The following CTBP2 variants were observed in gnomAD, a reference collection of about 807,000 sequenced individuals.
CTBP2 encodes the protein C-terminal binding protein 2.
In CTBP2, 30 loss-of-function variants were observed where a neutral mutation model predicts 80.3. The observed-to-expected ratio is 0.37, with a 90% CI of 0.28 to 0.51. CTBP2 has a LOEUF of 0.51. Among genes scored for constraint, CTBP2 ranks in the 20% least tolerant of loss-of-function variants. CTBP2 has a pLI of 0.93. For missense variants in CTBP2, 1,212 were observed against 1,375.3 expected, an observed-to-expected ratio of 0.88 and a Z score of 1.88; for synonymous variants, 594 against 587.4, an observed-to-expected ratio of 1.01 and a Z score of -0.16.
chr10:125,036,666 GGGGTGTGTGTGTGTGTGTGTGTGT>G (rs1173805600), intron 3 of CTBP2, among the ~76,000 whole-genome samples: 3 of 100,266 alleles, frequency 3.0e-5, no homozygotes, highest in African/African-American at 1.4e-4. Flanking sequence ...AAAGCTAGAG[GGGGTGTGTGTGTGTGTGTGTGTGT>G]GTGTGTGTGT....
chr10:125,090,302 AG>A (rs1172472541), intron 2 of CTBP2, among the ~76,000 whole-genome samples: 2 of 149,790 alleles, frequency 1.3e-5, no homozygotes, highest in Non-Finnish European at 3.0e-5. Flanking sequence ...AAAAAAAAAA[AG>A]GTTGGGGGGA....
chr10:125,060,012 C>T (rs1964656282), intron 2 of CTBP2, among the ~76,000 whole-genome samples: 1 of 152,236 alleles, frequency 6.6e-6, no homozygotes. Flanking sequence ...CTGCCCATCC[C>T]TGGAGTCATC....
intron 2 of CTBP2, among the ~76,000 whole-genome samples, chr10:125,071,030 G>A (rs1845404606): frequency 6.6e-6 from 1 of 152,226 alleles, no homozygotes; most frequent in Non-Finnish European, 1.5e-5. Context: ...CCCCGTATGC[G>A]GTGATTGCTT....
chr10:125,096,376 A>G (rs1152679), intron 2 of CTBP2, among the ~76,000 whole-genome samples: 40,813 of 152,164 alleles, frequency 0.27, 7,585 homozygotes, highest in African/African-American at 0.52. Flanking sequence ...CAAAGATGCA[A>G]AATAACATAG....
At position 125,026,408 on chromosome 10, in the gene CTBP2, A is replaced by G; in HGVS notation, c.1352T>C (p.Leu451Pro). Residue 451 changes from leucine to proline, a missense_variant, in exon 1 of 9, where the codon CTG (leucine) becomes CCG (proline). Transcript: ENST00000309035. ...TGCCTGCAGGGGGTACGTGGGGCTCAGACGCGCTGTCAGGGCGCAAGGGGT... is the reference window on the plus strand; with the variant it reads ...TGCCTGCAGGGGGTACGTGGGGCTCGGACGCGCTGTCAGGGCGCAAGGGGT... 1 of 1,608,082 alleles carries G rather than the reference A, an allele frequency of 6.2e-7. No homozygotes were observed. Among genetic ancestry groups the G allele is most frequent in the African/African-American group, 1.3e-5 (1 of 74,858 alleles).
At chr10:125,030,987 A>AGCCACCACAGT (rs1032526093), upstream of CTBP2, among the ~76,000 whole-genome samples, 19 of 152,280 alleles carry the variant, frequency 1.2e-4, no homozygotes, top group African/African-American at 4.6e-4. Flanking sequence ...CCCAGGACGG[A>AGCCACCACAGT]GCCACCACAG....
intron 2 of CTBP2, among the ~76,000 whole-genome samples, chr10:125,085,639 A>G (rs1382818764): frequency 6.6e-6 from 1 of 152,246 alleles, no homozygotes; most frequent in African/African-American, 2.4e-5. Flanking sequence ...CAAAGCCTTC[A>G]GCAAATCACT....
chr10:125,048,575 G>A (rs533146746), intron 2 of CTBP2, among the ~76,000 whole-genome samples: 198 of 152,284 alleles, frequency 1.3e-3, no homozygotes, highest in African/African-American at 4.5e-3. Flanking sequence ...CTTTCACAGC[G>A]GAGTGACTGG....
intron 2 of CTBP2, among the ~76,000 whole-genome samples, chr10:125,041,863 A>C (rs1280428643): frequency 1.3e-5 from 2 of 151,324 alleles, no homozygotes; most frequent in Non-Finnish European, 2.9e-5. Context: ...GATAAGTAGA[A>C]TCTCAATCAT....
intron 2 of CTBP2, among the ~76,000 whole-genome samples, chr10:125,098,738 G>GAC (rs1850086861): frequency 2.8e-4 from 29 of 102,662 alleles, no homozygotes; most frequent in African/African-American, 1.0e-3. Flanking sequence ...GAGAGAGAGA[G>GAC]AGAGAGAGAG....
Position 124,989,285 on chromosome 10 carries a change from C to A in CTBP2, c.*233G>T. ...TGATGCACAGATGAAAAACTTAACA[C>A]ACAATAACAGAAGTTGGTCGTTAAT... On this transcript the variant is annotated 3_prime_UTR_variant, in exon 9 of 9. Transcript: ENST00000309035. The A allele has an allele frequency of 1.8e-6, 1 of 549,922 alleles. No homozygotes were observed. The allele number at this position is 549,922 out of a possible 1,614,324, so 34.1% of individuals were successfully genotyped here. A position where few individuals can be genotyped will look rare whatever the true frequency, so the allele number is the denominator to read the frequency against.
chr10:125,035,015 G>A (rs1958704007), intron 3 of CTBP2, among the ~76,000 whole-genome samples: 1 of 152,112 alleles, frequency 6.6e-6, no homozygotes, highest in African/African-American at 2.4e-5. Flanking sequence ...TTTCTTGGGG[G>A]TACATCCCAC....
At position 125,027,598 on chromosome 10, in the gene CTBP2, G is replaced by C. The variant is rs750514703; in HGVS notation, c.162C>G (p.Asn54Lys). 3 of 1,613,968 alleles carry C rather than the reference G, an allele frequency of 1.9e-6. No homozygotes were observed. In the African/African-American group the frequency reaches 4.0e-5, roughly 22 times the overall value. ...GCAGGGCAGCGTCCTGTGGTCGGTG[G>C]TTTGGCTCAAACCAAGTCCCCTCTG... The change falls in exon 1 of 9, where the codon AAC becomes AAG. Residue 54 changes from asparagine to lysine, a missense_variant. By Grantham distance (94) the Asn-to-Lys change is moderately conservative. Coordinates refer to ENST00000309035, the MANE Select transcript of CTBP2 (RefSeq NM_022802.3).
intron 4 of CTBP2, among the ~76,000 whole-genome samples, chr10:124,995,368 G>GTCATTT (rs1953335930): frequency 6.6e-6 from 1 of 152,226 alleles, no homozygotes; most frequent in African/African-American, 2.4e-5. Flanking sequence ...CCCAACGGCT[G>GTCATTT]TCATTTCATA....
upstream of CTBP2, chr10:125,160,978 G>A (rs950270142): frequency 2.6e-5 from 4 of 150,994 alleles, no homozygotes; most frequent in Non-Finnish European, 5.9e-5. Context: ...AGCGGCGCTG[G>A]CCGCAGCTCC....
chr10:125,066,938 C>G lies in CTBP2; in HGVS notation c.-101-27783G>C, dbSNP rs768895139. 6.6e-6 allele frequency among the ~76,000 whole-genome samples: 1 copy of G among 152,156 alleles called. No homozygotes were observed. Among genetic ancestry groups the G allele is most frequent in the African/African-American group, 2.4e-5 (1 of 41,418 alleles). ...GCTCCATGGAAAAGTCTTTGGTCAG[C>G]TGAACGCAGGCAAGGCTGCTGAATT... On this transcript the variant is annotated intron_variant, in intron 2 of 10. Coordinates refer to the CTBP2 transcript ENST00000337195. This position sits in a 1 kb window ranked among gnomAD's most constrained non-coding sequence, Gnocchi z 4.1.
At chr10:125,056,822 C>T (rs1188660560) in intron 2 of CTBP2, among the ~76,000 whole-genome samples, 3 of 152,356 alleles carry the variant, frequency 2.0e-5, no homozygotes, top group South Asian at 2.1e-4. Flanking sequence ...CACACAAGTG[C>T]CATGGGGACC....
upstream of CTBP2, among the ~76,000 whole-genome samples, chr10:125,031,766 A>AC (rs1261752821): frequency 6.6e-6 from 1 of 152,206 alleles, no homozygotes; most frequent in Non-Finnish European, 1.5e-5. Context: ...CCTTGCTTGC[A>AC]CACTGAGTGC....
At chr10:125,155,685 A>T (rs1414609462) in intron 1 of CTBP2, among the ~76,000 whole-genome samples, 1 of 104,016 alleles carries the variant, frequency 9.6e-6, no homozygotes, top group Non-Finnish European at 2.0e-5. Flanking sequence ...AGATAGGATT[A>T]AAAAAAAAAA....
Sources: gnomAD v4.1 joint callset for allele counts (sites outside exome capture counted in the v4.1 genomes callset) on GRCh38, gnomAD v4.1.1 for gene constraint, Gnocchi (gnomAD v3.1) non-coding constraint, MANE v1.5 for transcripts, NCBI Gene and HGNC (gene_info 2026-07-23, HGNC 2026-07-21) for gene names.